Variants in RAB6A observed in about 807,000 individuals in gnomAD.
The protein encoded by RAB6A is ras-related protein Rab-6A.
A neutral mutation model predicts 32.3 loss-of-function variants in RAB6A; 8 were observed. That is an observed-to-expected ratio of 0.25 (90% CI 0.15 to 0.45). RAB6A has a LOEUF of 0.45. RAB6A is among the 20% of genes least tolerant of loss of function. The probability of loss-of-function intolerance (pLI) is 1.00; values close to 1 mark genes in which losing one functional copy is unlikely to be tolerated. For missense variants in RAB6A, 104 were observed against 249.4 expected, an observed-to-expected ratio of 0.42 and a Z score of 3.93; for synonymous variants, 73 against 82.1, an observed-to-expected ratio of 0.89 and a Z score of 0.60.
At chr11:73,747,154 G>C (rs1210506819) in intron 1 of RAB6A, among the ~76,000 whole-genome samples, 2 of 151,302 alleles carry the variant, frequency 1.3e-5, no homozygotes, top group Non-Finnish European at 2.9e-5. Flanking sequence ...TATAAAAATA[G>C]TACAGAGAAT....
At chr11:73,680,003 C>G (rs1945329881) in intron 6 of RAB6A, among the ~76,000 whole-genome samples, 1 of 152,134 alleles carries the variant, frequency 6.6e-6, no homozygotes, top group African/African-American at 2.4e-5. Flanking sequence ...GAGGCTGAAC[C>G]TGGAGGACTG....
chr11:73,753,656 AGCCGAGATTGC>A lies in RAB6A; in HGVS notation c.70+6899_70+6909del, dbSNP rs1946702557. On this transcript the variant is annotated intron_variant, in intron 1 of 7. Transcript: ENST00000336083. ...AACCCGGGAGGCAGAGCTTGCAGTG[AGCCGAGATTGC>A]GCCACTGCACTCCAGCCTCGGTGAC... 2.0e-5 allele frequency among the ~76,000 whole-genome samples: 3 copies of A among 151,938 alleles called. No homozygotes were observed. The South Asian group carries it at 6.2e-4, about 32-fold the overall frequency.
chr11:73,734,329 T>C (rs1260273559), intron 1 of RAB6A, among the ~76,000 whole-genome samples: 2 of 152,168 alleles, frequency 1.3e-5, no homozygotes, highest in African/African-American at 2.4e-5. Context: ...TTTCACCATG[T>C]TGGCCAGGCT....
rs552805300 is a variant in RAB6A, at chr11:73,719,223, G to A, written c.184-505C>T. 5.0e-4 allele frequency among the ~76,000 whole-genome samples: 76 copies of A among 152,188 alleles called. 1 individual carries two copies. The highest frequency in any genetic ancestry group is 3.4e-3 in the Middle Eastern group (1 of 294). On this transcript the variant is annotated intron_variant, in intron 3 of 7. Transcript: ENST00000336083. ...AGTGGCAAAAAGTAGACTGTTGATG[G>A]TTAAATAGAGAAAAAAACAAAACAA...
At chr11:73,707,348 A>T in intron 6 of RAB6A, 72 bp downstream of exon 6, 1 of 1,111,058 alleles carries the variant, frequency 9.0e-7, no homozygotes, top group Non-Finnish European at 1.4e-6. Context: ...AAGGAAACCT[A>T]TACACCAGAG....
intron 6 of RAB6A, among the ~76,000 whole-genome samples, chr11:73,692,300 C>G (rs969052081): frequency 2.0e-5 from 3 of 151,286 alleles, no homozygotes; most frequent in African/African-American, 7.3e-5. Flanking sequence ...GTCAGGAGAT[C>G]AAGACCATCC....
At chr11:73,754,350 C>T (rs975118409) in intron 1 of RAB6A, among the ~76,000 whole-genome samples, 1 of 152,212 alleles carries the variant, frequency 6.6e-6, no homozygotes, top group Non-Finnish European at 1.5e-5. Context: ...CTCCCAAGAC[C>T]TTTGGGGAGG....
chr11:73,695,860 T>C (rs566193077), intron 6 of RAB6A, among the ~76,000 whole-genome samples: 1 of 152,196 alleles, frequency 6.6e-6, no homozygotes, highest in East Asian at 1.9e-4. Flanking sequence ...TCAGGGATGA[T>C]GACAAGCTGA....
intron 1 of RAB6A, among the ~76,000 whole-genome samples, chr11:73,749,843 C>G (rs942404196): frequency 6.6e-6 from 1 of 152,044 alleles, no homozygotes; most frequent in African/African-American, 2.4e-5. Flanking sequence ...GCCTGGGTAA[C>G]AGAGCAAGAC....
Position 73,718,468 on chromosome 11 carries a change from A to G in RAB6A, c.289+145T>C, listed in dbSNP as rs986072023. ...TATTGGTATAAACACCAAAGCAAATATTTCTGACCTGGCTGGTATGTAATT... is the reference window on the plus strand; with the variant it reads ...TATTGGTATAAACACCAAAGCAAATGTTTCTGACCTGGCTGGTATGTAATT... On this transcript the variant is annotated intron_variant, in intron 4 of 7. Coordinates refer to ENST00000336083, the MANE Select transcript of RAB6A (RefSeq NM_198896.2). 8.5e-6 allele frequency: 6 copies of G among 709,846 alleles called. No individual in the cohort carries two copies. In the African/African-American group the frequency reaches 9.0e-5, roughly 11 times the overall value. The allele number at this position is 709,846 out of a possible 1,614,324, so 44.0% of individuals were successfully genotyped here. A position where few individuals can be genotyped will look rare whatever the true frequency, so the allele number is the denominator to read the frequency against.
At chr11:73,722,332 TATATATATA>T (rs1946151210) in intron 2 of RAB6A, 1 of 9,646 alleles carries the variant, frequency 1.0e-4, no homozygotes, top group African/African-American at 3.5e-4. Flanking sequence ...TATATATATA[TATATATATA>T]TATTTTTTTT....
chr11:73,726,696 G>A (rs1220129822), intron 2 of RAB6A, among the ~76,000 whole-genome samples: 1 of 148,050 alleles, frequency 6.8e-6, no homozygotes, highest in Non-Finnish European at 1.5e-5. Context: ...GCTGCAGTGA[G>A]TCAAGATCAC....
chr11:73,731,109 C>CTGT (rs1555064730), intron 1 of RAB6A, among the ~76,000 whole-genome samples: 29 of 152,016 alleles, frequency 1.9e-4, no homozygotes, highest in Admixed American at 5.2e-4. Flanking sequence ...CAAGTAAACA[C>CTGT]TTACTTGGCC....
At chr11:73,731,709 TATATATATATATATATATATATACAC>T (rs1263685292) in intron 1 of RAB6A, among the ~76,000 whole-genome samples, 20 of 91,862 alleles carry the variant, frequency 2.2e-4, no homozygotes, top group African/African-American at 8.6e-4. Context: ...TATATATATA[TATATATATATATATATATATATACAC>T]ACACACACAC....
intron 6 of RAB6A, among the ~76,000 whole-genome samples, chr11:73,703,250 C>T (rs940859681): frequency 6.6e-6 from 1 of 152,110 alleles, no homozygotes; most frequent in Non-Finnish European, 1.5e-5. Context: ...CTCCAAGTAA[C>T]CTGGCTTCTC....
chr11:73,734,487 A>G (rs1946363774), intron 1 of RAB6A, among the ~76,000 whole-genome samples: 1 of 152,208 alleles, frequency 6.6e-6, no homozygotes, highest in African/African-American at 2.4e-5. Context: ...ATAAATCTAC[A>G]GTAGCAGTCA....
At chr11:73,700,675 TG>T (rs1945731596) in intron 6 of RAB6A, among the ~76,000 whole-genome samples, 1 of 149,914 alleles carries the variant, frequency 6.7e-6, no homozygotes, top group African/African-American at 2.5e-5. Flanking sequence ...TTTCAGAGGC[TG>T]TCTTTTTATG....
intron 1 of RAB6A, chr11:73,759,910 A>G: frequency 1.5e-6 from 1 of 666,634 alleles, no homozygotes; most frequent in African/African-American, 1.9e-5. Context: ...AAAAATCTCC[A>G]CTGCCGACGC....
At position 73,731,834 on chromosome 11, in the gene RAB6A, C is replaced by T. The variant is rs988707151; in HGVS notation, c.71-1011G>A. Among the ~76,000 whole-genome samples, 9 of 148,910 alleles carry T rather than the reference C, an allele frequency of 6.0e-5. No individual in the cohort carries two copies. In the South Asian group the frequency reaches 1.5e-3, roughly 25 times the overall value. On this transcript the variant is annotated intron_variant, in intron 1 of 7. Coordinates refer to ENST00000336083, the MANE Select transcript of RAB6A (RefSeq NM_198896.2). ...TCGGCTCACTGCAACCTCCGCCTCC[C>T]GGGTTCAACCGATTCTCCTGCCTCA...
Sources: allele counts gnomAD v4.1 joint callset (sites outside exome capture counted in the v4.1 genomes callset), GRCh38; gene constraint gnomAD v4.1.1; transcripts MANE v1.5; gene names NCBI Gene and HGNC (gene_info 2026-07-23, HGNC 2026-07-21).